Variants in IL1RAPL2 observed in about 807,000 individuals in gnomAD.
IL1RAPL2 encodes X-linked interleukin-1 receptor accessory protein-like 2.
A neutral mutation model predicts 44.1 loss-of-function variants in IL1RAPL2; 3 were observed. The ratio of observed to expected loss-of-function variants is 0.07; its 90% CI spans 0.03 to 0.18. The LOEUF is 0.18. IL1RAPL2 is among the 10% of genes least tolerant of loss of function. The pLI, the probability that IL1RAPL2 is intolerant of heterozygous loss-of-function variation, is 1.00. For synonymous variants in IL1RAPL2, 181 were observed against 178.8 expected (o/e 1.01, Z -0.10); for missense variants, 391 against 496.4 (o/e 0.79, Z 2.02).
intron 2 of IL1RAPL2, among the ~76,000 whole-genome samples, chrX:105,076,344 T>C (rs2032301446): frequency 9.0e-6 from 1 of 111,696 alleles, no homozygotes; most frequent in Non-Finnish European, 1.9e-5. Flanking sequence ...TCCATGTAAT[T>C]GAGTGGTTTT....
At chrX:105,218,904 T>C in intron 3 of IL1RAPL2, 8 of 771,947 alleles carry the variant, frequency 1.0e-5, no homozygotes, top group South Asian at 2.6e-5. Flanking sequence ...AAGCCTGCCC[T>C]CTGAAAATTA....
chrX:104,867,494 C>T (rs901608590), intron 2 of IL1RAPL2, among the ~76,000 whole-genome samples: 3 of 111,429 alleles, frequency 2.7e-5, no homozygotes, highest in Non-Finnish European at 3.8e-5. Flanking sequence ...CTTATTGAGC[C>T]ATACATACAA....
chrX:105,435,285 G>GA (rs749246754), intron 5 of IL1RAPL2, among the ~76,000 whole-genome samples: 4 of 111,407 alleles, frequency 3.6e-5, no homozygotes, highest in Admixed American at 9.5e-5. Flanking sequence ...ACAAACATAT[G>GA]AAAAAAAGCT....
chrX:105,676,196 C>A (rs901073504), intron 6 of IL1RAPL2: 4 of 111,576 alleles, frequency 3.6e-5, no homozygotes, highest in Non-Finnish European at 7.5e-5. Context: ...GCTTCTAAAA[C>A]GATTTTTAAA....
chrX:105,583,158 G>A (rs1419650212), intron 6 of IL1RAPL2, among the ~76,000 whole-genome samples: 3 of 102,371 alleles, frequency 2.9e-5, no homozygotes, highest in Admixed American at 1.1e-4. Flanking sequence ...TTTTTGAGAC[G>A]GAGTGTCGCT....
chrX:105,740,034 T>C (rs1180070219), intron 7 of IL1RAPL2, among the ~76,000 whole-genome samples: 3 of 104,550 alleles, frequency 2.9e-5, no homozygotes, highest in African/African-American at 7.1e-5. Flanking sequence ...TTTTAATGAT[T>C]GCCATTCTAA....
chrX:104,627,473 A>G (rs1030822528), intron 1 of IL1RAPL2, among the ~76,000 whole-genome samples: 14 of 86,113 alleles, frequency 1.6e-4, no homozygotes, highest in African/African-American at 7.3e-4. Context: ...CCTAAAACTT[A>G]AAGTATAATA....
chrX:104,827,381 T>G (rs1921483400), intron 2 of IL1RAPL2, among the ~76,000 whole-genome samples: 1 of 111,436 alleles, frequency 9.0e-6, no homozygotes, highest in Non-Finnish European at 1.9e-5. Flanking sequence ...CCTTCCCTTA[T>G]GAAGCTTAGT....
chrX:104,900,181 AAAG>A (rs1021549620), intron 2 of IL1RAPL2, among the ~76,000 whole-genome samples: 1 of 112,030 alleles, frequency 8.9e-6, no homozygotes, highest in Non-Finnish European at 1.9e-5. Flanking sequence ...TACGTACCAC[AAAG>A]AAAAGACACT....
rs184248199 is a variant in IL1RAPL2, at chrX:105,744,473, T to C, written c.1048+3782T>C. 7.2e-5 allele frequency among the ~76,000 whole-genome samples: 8 copies of C among 111,536 alleles called. No individual in the cohort carries two copies. The East Asian group carries it at 2.3e-3, about 32-fold the overall frequency. ...GGACCTTTTAAGCTTTATCACATCA[T>C]AGCCTGGCCTCATTGGCAGTAGTAT... On this transcript the variant is annotated intron_variant, in intron 8 of 10. Transcript: ENST00000372582.
At chrX:104,651,164 A>G (rs1193728123) in intron 1 of IL1RAPL2, among the ~76,000 whole-genome samples, 1 of 112,097 alleles carries the variant, frequency 8.9e-6, no homozygotes, top group African/African-American at 3.2e-5. Context: ...AAAACTTTAT[A>G]TGCTCACTTT....
intron 5 of IL1RAPL2, among the ~76,000 whole-genome samples, chrX:105,352,257 A>G (rs147377340): frequency 0.013 from 1,464 of 111,701 alleles, 18 homozygotes; most frequent in African/African-American, 0.046. Flanking sequence ...AAATTTTACA[A>G]ATCCATGAAA....
chrX:105,366,913 T>C (rs1431830525), intron 5 of IL1RAPL2, among the ~76,000 whole-genome samples: 1 of 111,740 alleles, frequency 8.9e-6, no homozygotes, highest in Non-Finnish European at 1.9e-5. Context: ...CTAGATGATC[T>C]GTCCAAAATT....
At chrX:104,842,665 A>G (rs926401015) in intron 2 of IL1RAPL2, among the ~76,000 whole-genome samples, 1 of 111,958 alleles carries the variant, frequency 8.9e-6, no homozygotes, top group African/African-American at 3.2e-5. Flanking sequence ...CTGTAGGTCT[A>G]TTGCAGTGCT....
intron 6 of IL1RAPL2, among the ~76,000 whole-genome samples, chrX:105,645,740 GAC>G (rs748437311): frequency 1.7e-4 from 19 of 111,788 alleles, no homozygotes; most frequent in Non-Finnish European, 2.8e-4. Flanking sequence ...CACAGTGCCT[GAC>G]ACATAATGAG....
chrX:105,043,718 A>G (rs1240291726), intron 2 of IL1RAPL2, among the ~76,000 whole-genome samples: 2 of 111,213 alleles, frequency 1.8e-5, no homozygotes, highest in Non-Finnish European at 3.8e-5. Context: ...CTAGCTTACC[A>G]CTACTGTTTA....
At chrX:105,509,979 T>C (rs2147785465) in intron 6 of IL1RAPL2, among the ~76,000 whole-genome samples, 1 of 110,133 alleles carries the variant, frequency 9.1e-6, no homozygotes, top group Admixed American at 9.7e-5. Flanking sequence ...GAGAACAGTT[T>C]GGGCAAATTA....
intron 1 of IL1RAPL2, among the ~76,000 whole-genome samples, chrX:104,658,658 G>A (rs947927600): frequency 8.9e-6 from 1 of 112,206 alleles, no homozygotes; most frequent in Admixed American, 9.4e-5. Flanking sequence ...AATGGAAGGA[G>A]TTCAGATTTC....
intron 7 of IL1RAPL2, among the ~76,000 whole-genome samples, chrX:105,731,965 C>T (rs763994143): frequency 9.0e-6 from 1 of 111,610 alleles, no homozygotes; most frequent in Non-Finnish European, 1.9e-5. Flanking sequence ...ATTCTCAACA[C>T]ACTGAAATGA....
Sources: gnomAD v4.1 joint callset for allele counts (sites outside exome capture counted in the v4.1 genomes callset) on GRCh38, gnomAD v4.1.1 for gene constraint, MANE v1.5 for transcripts, NCBI Gene and HGNC (gene_info 2026-07-23, HGNC 2026-07-21) for gene names.